The following IFIT1B variants were observed in gnomAD, a reference collection of about 807,000 sequenced individuals.
IFIT1B encodes the protein protein IFIT1 homolog B.
IFIT1B carries 3 observed loss-of-function variants against 2.5 expected under a neutral mutation model. The observed-to-expected ratio is 1.21, with a 90% CI of 0.55 to 3.14. The LOEUF (loss-of-function observed/expected upper bound fraction) is 3.14, where lower values mean the gene tolerates loss of function less well. Among genes scored for constraint, IFIT1B ranks in the 30% most tolerant of loss-of-function variants. The pLI is 0.03. For missense variants in IFIT1B, 545 were observed against 556.5 expected, an observed-to-expected ratio of 0.98 and a Z score of 0.21; for synonymous variants, 196 against 203.0, an observed-to-expected ratio of 0.97 and a Z score of 0.29.
rs559608501 is a variant in IFIT1B, at chr10:89,384,375, C to G, written c.1062C>G (p.Gly354=). Residue 354 remains glycine (G), a synonymous_variant, in exon 2 of 2, where the codon GGC becomes GGG. Coordinates refer to ENST00000371809, the MANE Select transcript of IFIT1B (RefSeq NM_001010987.2). The part of the protein sequence containing the change: ...VDLAETYAEI[G]HHRKAEEHFQ... Reference sequence around the variant, plus strand: ...TGGCTGAAACGTATGCAGAAATAGGCCACCACAGAAAGGCTGAGGAACATT... The same window carrying G: ...TGGCTGAAACGTATGCAGAAATAGGGCACCACAGAAAGGCTGAGGAACATT... The G allele has an allele frequency of 6.2e-7, 1 of 1,614,096 alleles. No homozygotes were observed. The highest frequency in any genetic ancestry group is 1.1e-5 in the South Asian group (1 of 91,088).
At chr10:89,380,630 G>A (rs765399399) in intron 1 of IFIT1B, among the ~76,000 whole-genome samples, 11 of 151,940 alleles carry the variant, frequency 7.2e-5, no homozygotes, top group Non-Finnish European at 1.3e-4. Context: ...ACATGGTTTC[G>A]CTATGTTGCC....
At chr10:89,383,068 C>T (rs571443439) in intron 1 of IFIT1B, among the ~76,000 whole-genome samples, 6 of 152,292 alleles carry the variant, frequency 3.9e-5, no homozygotes, top group Admixed American at 2.0e-4. Context: ...CAGAATTAAC[C>T]TCTTTTGAAT....
Position 89,383,604 on chromosome 10 carries a change from C to G in IFIT1B, c.291C>G (p.Thr97=), listed in dbSNP as rs1215459894. The G allele has an allele frequency of 6.2e-7, 1 of 1,614,154 alleles. No homozygotes were observed. The highest frequency in any genetic ancestry group is 1.7e-5 in the Admixed American group (1 of 60,020). Residue 97 remains threonine (T), a synonymous_variant, in exon 2 of 2, where the codon ACC becomes ACG. Transcript: ENST00000371809. ...ANQADIRSLV[T]WGNFAWVYYH... is the part of the protein sequence containing the mutation. The stretch of plus-strand genomic sequence containing the variant: ...AAGCAGATATTAGAAGTCTGGTGAC[C>G]TGGGGCAACTTTGCCTGGGTGTATT...
Position 89,383,977 on chromosome 10 carries a change from C to A in IFIT1B, c.664C>A (p.Leu222Ile), listed in dbSNP as rs1481723969. The change falls in exon 2 of 2, where the codon CTC becomes ATC. Residue 222 changes from leucine (L) to isoleucine (I), a missense_variant. Physicochemically the swap from Leu to Ile is conservative, Grantham distance 5. Transcript: ENST00000371809. ...TCCAGATGATGTATATATTAGGGTT[C>A]TCCTTGCCCTGAAGCTTCAGGATGA... ...LNPDDVYIRVLLALKLQDEGQ... is the reference protein window; with the variant it reads ...LNPDDVYIRVILALKLQDEGQ... 4 of 1,614,198 alleles carry A rather than the reference C, an allele frequency of 2.5e-6. No homozygotes were observed. The highest frequency in any genetic ancestry group is 3.4e-6 in the Non-Finnish European group (4 of 1,180,036).
rs767724164 is a variant in IFIT1B, at chr10:89,383,606, G to A, written c.293G>A (p.Trp98Ter). The change falls in exon 2 of 2, where the codon TGG becomes TAG. Residue 98 changes from tryptophan to a stop codon, truncating the protein, a stop_gained. Transcript: ENST00000371809. LOFTEE classifies it low-confidence loss of function (END_TRUNC). ...NQADIRSLVTWGNFAWVYYHM... is the reference protein window; with the variant it reads ...NQADIRSLVT The stretch of plus-strand genomic sequence containing the variant: ...GCAGATATTAGAAGTCTGGTGACCT[G>A]GGGCAACTTTGCCTGGGTGTATTAC... 65 of 1,614,094 alleles carry A rather than the reference G, an allele frequency of 4.0e-5. No individual in the cohort carries two copies. In the Admixed American group the frequency reaches 9.8e-4, roughly 24 times the overall value.
Position 89,384,797 on chromosome 10 carries a change from T to A in IFIT1B, c.*59T>A. On this transcript the variant is annotated 3_prime_UTR_variant, in exon 2 of 2. Coordinates refer to ENST00000371809, the MANE Select transcript of IFIT1B (RefSeq NM_001010987.2). ...ATAACTAAATAGAATGACTATGAAA[T>A]TAAATAATGCAAACTTAAAGCTGTT... is the stretch of plus-strand genomic sequence containing the variant. 1 of 1,374,038 alleles carries A rather than the reference T, an allele frequency of 7.3e-7. No individual in the cohort carries two copies. 85.1% of individuals were successfully genotyped at this position (1,374,038 alleles called of 1,614,324 possible). A position where few individuals can be genotyped will look rare whatever the true frequency, so the allele number is the denominator to read the frequency against.
At chr10:89,379,228 C>T (rs1255448058) in intron 1 of IFIT1B, among the ~76,000 whole-genome samples, 2 of 152,120 alleles carry the variant, frequency 1.3e-5, no homozygotes, top group Non-Finnish European at 1.5e-5. Flanking sequence ...TAACTGTTCT[C>T]AAAGTGTGGT....
In IFIT1B at chr10:89,383,379, A is replaced by G; in HGVS notation, c.66A>G (p.Thr22=). The change falls in exon 2 of 2, where the codon ACA becomes ACG. Residue 22 remains threonine (T), a synonymous_variant. Transcript: ENST00000371809. Reference sequence around the variant, plus strand: ...TGATTCAGCTGAGATGTCACTTTACATGGAAGTTGTTAATTGAAGCCCCTG... The same window carrying G: ...TGATTCAGCTGAGATGTCACTTTACGTGGAAGTTGTTAATTGAAGCCCCTG... ...DSLIQLRCHF[T]WKLLIEAPEI... is the part of the protein sequence containing the mutation. 6.2e-7 allele frequency: 1 copy of G among 1,614,224 alleles called. No homozygotes were observed. The highest frequency in any genetic ancestry group is 8.5e-7 in the Non-Finnish European group (1 of 1,180,044).
intron 1 of IFIT1B, among the ~76,000 whole-genome samples, chr10:89,382,667 T>G (rs919148320): frequency 1.3e-5 from 2 of 152,242 alleles, no homozygotes; most frequent in African/African-American, 4.8e-5. Flanking sequence ...ATGCCTCTTC[T>G]TCTGTCCCCA....
At chr10:89,381,325 G>A (rs748458830) in intron 1 of IFIT1B, among the ~76,000 whole-genome samples, 1 of 152,056 alleles carries the variant, frequency 6.6e-6, no homozygotes, top group African/African-American at 2.4e-5. Flanking sequence ...CTGTAGGGGT[G>A]GTGACTATTT....
Position 89,381,143 on chromosome 10 carries a change from G to A in IFIT1B, c.6-2176G>A, listed in dbSNP as rs141777222. Among the ~76,000 whole-genome samples, 456 of 152,260 alleles carry A rather than the reference G, an allele frequency of 3.0e-3. 2 individuals are homozygous for A. Among genetic ancestry groups the A allele is most frequent in the African/African-American group, 0.01 (424 of 41,534 alleles). ...CTAGCAGCTGAGATGCTGAGATTGG[G>A]TACATATTTAGAAAGCTTGGAATGG... On this transcript the variant is annotated intron_variant, in intron 1 of 1. Coordinates refer to ENST00000371809, the MANE Select transcript of IFIT1B (RefSeq NM_001010987.2).
rs1018832402 is a variant in IFIT1B, at chr10:89,383,376, T to C, written c.63T>C (p.Phe21=). Residue 21 remains phenylalanine (F), a synonymous_variant, in exon 2 of 2, where the codon TTT becomes TTC. Transcript: ENST00000371809. ...EDSLIQLRCH[F]TWKLLIEAPE... is the part of the protein sequence containing the mutation. ...GCCTGATTCAGCTGAGATGTCACTT[T>C]ACATGGAAGTTGTTAATTGAAGCCC... 9 of 1,614,238 alleles carry C rather than the reference T, an allele frequency of 5.6e-6. No individual in the cohort carries two copies. Among genetic ancestry groups the C allele is most frequent in the Non-Finnish European group, 7.6e-6 (9 of 1,180,028 alleles).
chr10:89,380,893 G>A (rs1474959656), intron 1 of IFIT1B, among the ~76,000 whole-genome samples: 1 of 152,196 alleles, frequency 6.6e-6, no homozygotes, highest in Non-Finnish European at 1.5e-5. Context: ...AAGTCAAGAA[G>A]ATACATGTTG....
chr10:89,380,564 G>A (rs1438820758), intron 1 of IFIT1B, among the ~76,000 whole-genome samples: 4 of 151,682 alleles, frequency 2.6e-5, no homozygotes, highest in African/African-American at 4.8e-5. Flanking sequence ...AGCCCAAGTC[G>A]CTGGGACTAC....
chr10:89,379,089 G>A (rs1844142598), intron 1 of IFIT1B, among the ~76,000 whole-genome samples: 1 of 152,136 alleles, frequency 6.6e-6, no homozygotes, highest in Non-Finnish European at 1.5e-5. Flanking sequence ...AATTCACGTG[G>A]GAAAAAGAAG....
chr10:89,380,890 G>A (rs573465944), intron 1 of IFIT1B, among the ~76,000 whole-genome samples: 1 of 152,288 alleles, frequency 6.6e-6, no homozygotes, highest in African/African-American at 2.4e-5. Context: ...CCCAAGTCAA[G>A]AAGATACATG....
chr10:89,383,412 T>A lies in IFIT1B; in HGVS notation c.99T>A (p.Pro33=). 6.2e-7 allele frequency: 1 copy of A among 1,614,244 alleles called. No homozygotes were observed. The highest frequency in any genetic ancestry group is 8.5e-7 in the Non-Finnish European group (1 of 1,180,034). The change falls in exon 2 of 2, where the codon CCT becomes CCA. Residue 33 remains proline, a synonymous_variant. Coordinates refer to ENST00000371809, the MANE Select transcript of IFIT1B (RefSeq NM_001010987.2). ...TGTTAATTGAAGCCCCTGAAATTCC[T>A]GATTTAGAAAACAGGATCTGGGAAG... ...WKLLIEAPEI[P]DLENRIWEEI...
intron 1 of IFIT1B, among the ~76,000 whole-genome samples, chr10:89,382,526 A>G (rs745425213): frequency 1.6e-4 from 25 of 152,164 alleles, no homozygotes; most frequent in Non-Finnish European, 2.4e-4. Context: ...AGAGATTACT[A>G]CAATTGTTGA....
At chr10:89,379,240 C>T (rs1000440631) in intron 1 of IFIT1B, among the ~76,000 whole-genome samples, 1 of 151,978 alleles carries the variant, frequency 6.6e-6, no homozygotes, top group Non-Finnish European at 1.5e-5. Context: ...AAGTGTGGTC[C>T]CCTGACTAGC....
Sources: gnomAD v4.1 joint callset for allele counts (sites outside exome capture counted in the v4.1 genomes callset) on GRCh38, gnomAD v4.1.1 for gene constraint, MANE v1.5 for transcripts, NCBI Gene and HGNC (gene_info 2026-07-23, HGNC 2026-07-21) for gene names.